Variants in NTRK2 observed in about 807,000 individuals in gnomAD.
The protein encoded by NTRK2 is neurotrophic receptor tyrosine kinase 2.
Under a neutral mutation model 94.5 loss-of-function variants are expected in NTRK2, and 13 were observed. The ratio of observed to expected loss-of-function variants is 0.14; its 90% CI spans 0.09 to 0.22. The LOEUF (loss-of-function observed/expected upper bound fraction) is 0.22, where lower values mean the gene tolerates loss of function less well. NTRK2 is among the 10% of genes least tolerant of loss of function. The probability of loss-of-function intolerance (pLI) is 1.00; values close to 1 mark genes in which losing one functional copy is unlikely to be tolerated. For missense variants in NTRK2, 639 were observed against 1,071.2 expected, an observed-to-expected ratio of 0.60 and a Z score of 5.63; for synonymous variants, 372 against 407.4, an observed-to-expected ratio of 0.91 and a Z score of 1.05.
At chr9:84,843,628 G>T (rs1309368057) in intron 12 of NTRK2, among the ~76,000 whole-genome samples, 1 of 152,228 alleles carries the variant, frequency 6.6e-6, no homozygotes, top group Admixed American at 6.5e-5. Flanking sequence ...CCTGCCCTCA[G>T]TCAGAGAACT....
chr9:84,674,418 A>G (rs1055879957), intron 2 of NTRK2, among the ~76,000 whole-genome samples: 4 of 152,212 alleles, frequency 2.6e-5, no homozygotes, highest in African/African-American at 9.6e-5. Context: ...TGTCATTAAT[A>G]CATTGATTTT....
chr9:84,730,256 G>T (rs1588210998), intron 9 of NTRK2, among the ~76,000 whole-genome samples: 1 of 152,188 alleles, frequency 6.6e-6, no homozygotes, highest in Non-Finnish European at 1.5e-5. Context: ...AAATGAAGGA[G>T]ACTTGGCCCA....
chr9:84,958,590 A>C (rs1161042149), intron 17 of NTRK2, among the ~76,000 whole-genome samples: 1 of 152,130 alleles, frequency 6.6e-6, no homozygotes, highest in East Asian at 1.9e-4. Context: ...TTGCAGTTGT[A>C]GGGTTAGTTT....
At chr9:84,668,953 C>T (rs1000187055), upstream of NTRK2, among the ~76,000 whole-genome samples, 5 of 152,158 alleles carry the variant, frequency 3.3e-5, no homozygotes, top group African/African-American at 1.2e-4. Context: ...ATTTAGAATA[C>T]GCATCAGGCG....
chr9:84,761,059 A>G (rs913692532), intron 12 of NTRK2, among the ~76,000 whole-genome samples: 41 of 152,294 alleles, frequency 2.7e-4, no homozygotes, highest in Non-Finnish European at 3.7e-4. Context: ...GTGGTGGAAG[A>G]CCTTTGTTTT....
At chr9:84,830,277 A>G (rs557836588) in intron 12 of NTRK2, among the ~76,000 whole-genome samples, 1 of 152,170 alleles carries the variant, frequency 6.6e-6, no homozygotes, top group African/African-American at 2.4e-5. Context: ...ACGTTCTTGT[A>G]TACAGTTTCC....
At chr9:84,695,010 G>A (rs1188821125) in intron 2 of NTRK2, among the ~76,000 whole-genome samples, 3 of 143,448 alleles carry the variant, frequency 2.1e-5, no homozygotes, top group Non-Finnish European at 3.0e-5. Context: ...AGCCGAGATC[G>A]CGCCACTGCA....
intron 6 of NTRK2, among the ~76,000 whole-genome samples, chr9:84,719,719 A>G (rs894930921): frequency 6.6e-6 from 1 of 152,050 alleles, no homozygotes; most frequent in Non-Finnish European, 1.5e-5. Flanking sequence ...ATCTATAAAT[A>G]TAGAAAGTGG....
intron 14 of NTRK2, among the ~76,000 whole-genome samples, chr9:84,889,934 C>T (rs2076546599): frequency 6.6e-6 from 1 of 152,218 alleles, no homozygotes. Flanking sequence ...TAACCTCAAT[C>T]AGCCTCAGCT....
chr9:85,013,242 C>T (rs150719312), intron 17 of NTRK2, among the ~76,000 whole-genome samples: 11 of 152,280 alleles, frequency 7.2e-5, no homozygotes, highest in Non-Finnish European at 1.0e-4. Context: ...TTTTCCTGGA[C>T]GTGGTCATTG....
chr9:84,871,889 G>A (rs2075879092), intron 14 of NTRK2: 2 of 1,612,858 alleles, frequency 1.2e-6, no homozygotes, highest in South Asian at 1.1e-5. Context: ...GCCTGATGGA[G>A]GAGAAGAGTT....
chr9:84,673,009 G>A (rs1012355775), intron 2 of NTRK2, among the ~76,000 whole-genome samples: 2 of 152,168 alleles, frequency 1.3e-5, no homozygotes, highest in African/African-American at 4.8e-5. Flanking sequence ...ACCTCTTGGG[G>A]TTGTGGGATT....
At chr9:84,881,160 G>GTA (rs1418495800) in intron 14 of NTRK2, among the ~76,000 whole-genome samples, 1 of 152,188 alleles carries the variant, frequency 6.6e-6, no homozygotes, top group Non-Finnish European at 1.5e-5. Flanking sequence ...TGGGGGTTAT[G>GTA]TATGTTTCTG....
chr9:84,766,510 T>G (rs1471687398), intron 12 of NTRK2, among the ~76,000 whole-genome samples: 1 of 152,132 alleles, frequency 6.6e-6, no homozygotes, highest in Non-Finnish European at 1.5e-5. Context: ...TAATGATGTA[T>G]TAAATTAATT....
intron 12 of NTRK2, among the ~76,000 whole-genome samples, chr9:84,795,359 A>G (rs1381337514): frequency 6.6e-6 from 1 of 152,154 alleles, no homozygotes; most frequent in East Asian, 1.9e-4. Context: ...CAACACGCCC[A>G]GGGACAGTCT....
chr9:84,955,442 G>C lies in NTRK2; in HGVS notation c.2097G>C (p.Leu699=), dbSNP rs756786488. ...GCGATTTGGCCACCAGGAACTGCCT[G>C]GTCGGGGAGAACTTGCTGGTGAAAA... ...VHRDLATRNC[L]VGENLLVKIG... The change falls in exon 17 of 19, where the codon CTG becomes CTC. Residue 699 remains leucine (L), a synonymous_variant. Coordinates refer to ENST00000277120, the MANE Select transcript of NTRK2 (RefSeq NM_006180.6). The C allele has an allele frequency of 6.2e-7, 1 of 1,614,280 alleles. No individual in the cohort carries two copies. Among genetic ancestry groups the C allele is most frequent in the Admixed American group, 1.7e-5 (1 of 60,038 alleles).
At chr9:84,699,129 C>T (rs926695618) in intron 2 of NTRK2, among the ~76,000 whole-genome samples, 11 of 151,232 alleles carry the variant, frequency 7.3e-5, no homozygotes, top group African/African-American at 1.9e-4. Flanking sequence ...CTCCACCTCC[C>T]GGGTTCACAC....
chr9:84,742,357 G>A (rs938259169), intron 10 of NTRK2, among the ~76,000 whole-genome samples: 1 of 152,190 alleles, frequency 6.6e-6, no homozygotes, highest in Non-Finnish European at 1.5e-5. Flanking sequence ...GCTTGATTTA[G>A]GGTTGGTTAA....
intron 14 of NTRK2, among the ~76,000 whole-genome samples, chr9:84,899,885 C>A (rs1425202499): frequency 6.6e-6 from 1 of 152,138 alleles, no homozygotes; most frequent in Non-Finnish European, 1.5e-5. Flanking sequence ...GGGTGGACAC[C>A]AAGCTTCTCA....
Sources: gnomAD v4.1 joint callset for allele counts (sites outside exome capture counted in the v4.1 genomes callset) on GRCh38, gnomAD v4.1.1 for gene constraint, MANE v1.5 for transcripts, NCBI Gene and HGNC (gene_info 2026-07-23, HGNC 2026-07-21) for gene names.